Variants in SCHIP1 observed in about 807,000 individuals in gnomAD.
SCHIP1 encodes the protein schwannomin interacting protein 1, also known as schwannomin-interacting protein 1.
A neutral mutation model predicts 29.7 loss-of-function variants in SCHIP1; 8 were observed. The observed-to-expected ratio is 0.27, with a 90% CI of 0.16 to 0.49. The LOEUF is 0.49. SCHIP1 is among the 20% of genes least tolerant of loss of function. The pLI, the probability that SCHIP1 is intolerant of heterozygous loss-of-function variation, is 0.99. For synonymous variants in SCHIP1, 76 were observed against 94.9 expected, an observed-to-expected ratio of 0.80 and a Z score of 1.16; for missense variants, 193 against 294.6, an observed-to-expected ratio of 0.66 and a Z score of 2.52.
At chr3:159,545,619 CAATA>C in the SCHIP1 span, among the ~76,000 whole-genome samples, 1 of 146,560 alleles carries the variant, frequency 6.8e-6, no homozygotes, top group Non-Finnish European at 1.5e-5. Flanking sequence ...TACATATACA[CAATA>C]TATATACAAT....
intron 5 of SCHIP1, among the ~76,000 whole-genome samples, chr3:159,890,922 G>C (rs1717454840): frequency 6.6e-6 from 1 of 152,150 alleles, no homozygotes; most frequent in Non-Finnish European, 1.5e-5. Context: ...CCTGCCCAGA[G>C]CTCTTGCTAA....
intron 1 of SCHIP1, among the ~76,000 whole-genome samples, chr3:159,848,916 A>G (rs903356252): frequency 6.6e-6 from 1 of 152,166 alleles, no homozygotes; most frequent in Non-Finnish European, 1.5e-5. Flanking sequence ...CTATGAGCTT[A>G]TCTACGTGCT....
chr3:159,776,393 A>G, the SCHIP1 span, among the ~76,000 whole-genome samples: 1 of 149,538 alleles, frequency 6.7e-6, no homozygotes, highest in Middle Eastern at 3.5e-3. Flanking sequence ...CAAAGCTTCA[A>G]CAGTGTGGAA....
the SCHIP1 span, among the ~76,000 whole-genome samples, chr3:159,794,545 C>T: frequency 6.6e-6 from 1 of 152,248 alleles, no homozygotes; most frequent in African/African-American, 2.4e-5. Flanking sequence ...GTGTTAGACC[C>T]CCCTACATAC....
At chr3:159,444,941 G>A in the SCHIP1 span, among the ~76,000 whole-genome samples, 71,227 of 151,896 alleles carry the variant, frequency 0.47, 19,096 homozygotes, top group African/African-American at 0.74. Context: ...TGACCTAGGC[G>A]TTACCATTCA....
chr3:159,367,427 A>G, the SCHIP1 span, among the ~76,000 whole-genome samples: 4 of 152,036 alleles, frequency 2.6e-5, no homozygotes, highest in East Asian at 5.8e-4. Context: ...TCCAGGAAAA[A>G]TTCTGTAGTC....
chr3:159,780,798 C>G, the SCHIP1 span, among the ~76,000 whole-genome samples: 117 of 152,298 alleles, frequency 7.7e-4, no homozygotes, highest in African/African-American at 2.7e-3. Flanking sequence ...GCTAACTAGC[C>G]CCCATAGGGA....
At chr3:159,542,155 G>A in the SCHIP1 span, among the ~76,000 whole-genome samples, 1 of 152,054 alleles carries the variant, frequency 6.6e-6, no homozygotes, top group African/African-American at 2.4e-5. Context: ...GCAATGAAAT[G>A]CAGAAATCCT....
chr3:159,496,656 G>T, the SCHIP1 span, among the ~76,000 whole-genome samples: 16 of 152,298 alleles, frequency 1.1e-4, no homozygotes, highest in Non-Finnish European at 2.2e-4. Context: ...CACTGTTGGT[G>T]GGACTGTACA....
the SCHIP1 span, among the ~76,000 whole-genome samples, chr3:159,469,711 C>T: frequency 6.6e-6 from 1 of 152,124 alleles, no homozygotes; most frequent in Non-Finnish European, 1.5e-5. Context: ...AAAAAAACTT[C>T]TACATGAGTC....
chr3:159,744,858 G>A, the SCHIP1 span, among the ~76,000 whole-genome samples: 6 of 152,168 alleles, frequency 3.9e-5, no homozygotes, highest in Admixed American at 1.3e-4. Flanking sequence ...GGTGGCAGGC[G>A]CCTGTAGTCC....
the SCHIP1 span, among the ~76,000 whole-genome samples, chr3:159,490,048 A>G: frequency 1.3e-5 from 2 of 152,164 alleles, no homozygotes; most frequent in African/African-American, 4.8e-5. Context: ...GTTTTTCACA[A>G]TGAGAATGTA....
chr3:159,742,118 C>T, the SCHIP1 span, among the ~76,000 whole-genome samples: 3 of 151,762 alleles, frequency 2.0e-5, no homozygotes, highest in Non-Finnish European at 4.4e-5. Context: ...CCCAGCTACT[C>T]GGGAGGCTGA....
chr3:159,274,001 A>G, the SCHIP1 span: 2 of 1,500,652 alleles, frequency 1.3e-6, no homozygotes, highest in African/African-American at 2.8e-5. Context: ...CCTTCATTAC[A>G]TTTTTAAATT....
the SCHIP1 span, among the ~76,000 whole-genome samples, chr3:159,617,047 A>C: frequency 2.6e-5 from 4 of 152,234 alleles, no homozygotes; most frequent in Admixed American, 6.5e-5. Context: ...TCTACTCAAC[A>C]TGCTGAGTTA....
intron 1 of SCHIP1, among the ~76,000 whole-genome samples, chr3:159,859,475 A>G (rs568530128): frequency 3.3e-5 from 5 of 152,260 alleles, no homozygotes; most frequent in African/African-American, 4.8e-5. Flanking sequence ...AAGAGCGACT[A>G]CCACTTTCCT....
the SCHIP1 span, among the ~76,000 whole-genome samples, chr3:159,428,389 A>C: frequency 6.6e-5 from 10 of 151,840 alleles, no homozygotes; most frequent in African/African-American, 2.4e-4. Context: ...GGCAAAGGAC[A>C]TGAACAGACA....
At chr3:159,686,147 C>T in the SCHIP1 span, among the ~76,000 whole-genome samples, 1 of 152,208 alleles carries the variant, frequency 6.6e-6, no homozygotes, top group Non-Finnish European at 1.5e-5. Context: ...CATTCCCTCC[C>T]TTCAGGCTCA....
chr3:159,413,156 GCCC>G, the SCHIP1 span, among the ~76,000 whole-genome samples: 6 of 152,206 alleles, frequency 3.9e-5, no homozygotes, highest in Non-Finnish European at 7.4e-5. Context: ...TGGGGAAACT[GCCC>G]CCATTATTCA....
Sources: gnomAD v4.1 joint callset for allele counts (sites outside exome capture counted in the v4.1 genomes callset) on GRCh38, gnomAD v4.1.1 for gene constraint, MANE v1.5 for transcripts, NCBI Gene and HGNC (gene_info 2026-07-23, HGNC 2026-07-21) for gene names.